The following TRDN variants were observed in gnomAD, a reference collection of about 807,000 sequenced individuals.
TRDN encodes triadin in skeletal muscle.
In TRDN, 161 loss-of-function variants were observed where a neutral mutation model predicts 149.7. The observed-to-expected ratio is 1.08, with a 90% CI of 0.95 to 1.23. TRDN has a LOEUF of 1.23. Among genes scored for constraint, TRDN ranks in the 50% most tolerant of loss-of-function variants. The probability of loss-of-function intolerance (pLI) is 0.00; values close to 1 mark genes in which losing one functional copy is unlikely to be tolerated. For missense variants in TRDN, 896 were observed against 823.5 expected (o/e 1.09, Z -1.08); for synonymous variants, 294 against 250.5 (o/e 1.17, Z -1.64).
At chr6:123,529,535 C>A (rs1382842249) in intron 5 of TRDN, 1 of 609,784 alleles carries the variant, frequency 1.6e-6, no homozygotes, top group East Asian at 3.1e-5. Context: ...ACAACAGCAA[C>A]AACATGGCAT....
At chr6:123,309,658 G>T (rs528860237) in intron 24 of TRDN, among the ~76,000 whole-genome samples, 1 of 151,818 alleles carries the variant, frequency 6.6e-6, no homozygotes, top group South Asian at 2.1e-4. Context: ...GAACTGGTCA[G>T]GTTCACCTAT....
At position 123,301,748 on chromosome 6, in the gene TRDN, T is replaced by C. The variant is rs9482376; in HGVS notation, c.1510+14709A>G. ...ATATATGTATGTATGTATGTATATA[T>C]ATACATATATATATATATATACATA... is the stretch of plus-strand genomic sequence containing the variant. On this transcript the variant is annotated intron_variant, in intron 24 of 40. Coordinates refer to ENST00000334268, the MANE Select transcript of TRDN (RefSeq NM_006073.4). Among the ~76,000 whole-genome samples, 22 of 97,022 alleles carry C rather than the reference T, an allele frequency of 2.3e-4. 1 individual carries two copies. In the East Asian group the frequency reaches 8.5e-3, roughly 38 times the overall value. 63.7% of individuals were successfully genotyped at this position (97,022 alleles called of 152,430 possible).
At chr6:123,539,128 G>C (rs1780695966) in intron 4 of TRDN, among the ~76,000 whole-genome samples, 1 of 150,722 alleles carries the variant, frequency 6.6e-6, no homozygotes, top group African/African-American at 2.4e-5. Context: ...TGTCTCTCAT[G>C]ACAAGGAAAT....
At chr6:123,225,444 A>C (rs1010150902) in intron 38 of TRDN, among the ~76,000 whole-genome samples, 1 of 151,692 alleles carries the variant, frequency 6.6e-6, no homozygotes, top group Non-Finnish European at 1.5e-5. Context: ...ATATATCCAA[A>C]TATTTATCAA....
intron 24 of TRDN, among the ~76,000 whole-genome samples, chr6:123,305,826 G>T (rs1778587321): frequency 6.6e-6 from 1 of 152,060 alleles, no homozygotes; most frequent in Admixed American, 6.6e-5. Flanking sequence ...GAGCAGCTCT[G>T]ACAATATCCC....
At chr6:123,507,652 T>G (rs1778990836) in intron 7 of TRDN, among the ~76,000 whole-genome samples, 1 of 152,150 alleles carries the variant, frequency 6.6e-6, no homozygotes, top group African/African-American at 2.4e-5. Flanking sequence ...GTGACGAAAT[T>G]TATTAAGGAA....
Position 123,516,201 on chromosome 6 carries a change from G to C in TRDN, c.490C>G (p.His164Asp). The C allele has an allele frequency of 6.8e-7, 1 of 1,478,736 alleles. No homozygotes were observed. Among genetic ancestry groups the C allele is most frequent in the Non-Finnish European group, 9.1e-7 (1 of 1,102,594 alleles). The allele number at this position is 1,478,736 out of a possible 1,614,324, so 91.6% of individuals were successfully genotyped here. The change falls in exon 6 of 41, where the codon CAC becomes GAC. Residue 164 changes from histidine (H) to aspartate (D), a missense_variant. Transcript: ENST00000334268. ...TCTTTTCCTTTTTCTTTTTCTTTGT[G>C]TGTAACTGAAAAGAAACAGATAAAT... ...PERKIQTKVT[H>D]KEKEKGKEKV...
intron 12 of TRDN, among the ~76,000 whole-genome samples, chr6:123,399,488 T>C (rs561205050): frequency 2.6e-4 from 40 of 152,320 alleles, no homozygotes; most frequent in African/African-American, 9.6e-4. Context: ...ATTTGCCATA[T>C]TAAGGGCAGA....
chr6:123,317,514 G>T (rs9490727), intron 23 of TRDN, among the ~76,000 whole-genome samples: 27,998 of 151,782 alleles, frequency 0.18, 3,648 homozygotes, highest in East Asian at 0.68. Context: ...CACTACTTCC[G>T]ATAATACTTG....
chr6:123,528,009 T>C (rs952903998), intron 5 of TRDN, among the ~76,000 whole-genome samples: 2 of 151,930 alleles, frequency 1.3e-5, no homozygotes, highest in Admixed American at 6.6e-5. Flanking sequence ...AAAAGGCATA[T>C]TCTTTAGCTC....
intron 1 of TRDN, among the ~76,000 whole-genome samples, chr6:123,589,472 G>A (rs1361116583): frequency 1.3e-5 from 2 of 152,096 alleles, no homozygotes; most frequent in Non-Finnish European, 2.9e-5. Context: ...GTAATGACAT[G>A]CCATTTCAAT....
At chr6:123,633,747 T>C (rs1786139403) in intron 1 of TRDN, among the ~76,000 whole-genome samples, 2 of 152,068 alleles carry the variant, frequency 1.3e-5, no homozygotes, top group South Asian at 4.1e-4. Flanking sequence ...TATTTAGCAT[T>C]ATTTCCTTTC....
intron 12 of TRDN, 156 bp from the exon 13 acceptor site, chr6:123,393,833 G>T: frequency 1.6e-6 from 1 of 634,600 alleles, no homozygotes; most frequent in Non-Finnish European, 2.7e-6. Context: ...TAGAGGAATT[G>T]CTGAGAATGG....
intron 1 of TRDN, among the ~76,000 whole-genome samples, chr6:123,624,225 G>T (rs946472294): frequency 1.3e-5 from 2 of 152,090 alleles, no homozygotes; most frequent in African/African-American, 4.8e-5. Flanking sequence ...ATAGGAAGAA[G>T]ATAAAATACT....
At chr6:123,302,983 G>T (rs887576930) in intron 24 of TRDN, among the ~76,000 whole-genome samples, 4 of 151,652 alleles carry the variant, frequency 2.6e-5, no homozygotes, top group African/African-American at 9.7e-5. Flanking sequence ...AGTTTTTTAG[G>T]CATTTTCATT....
At chr6:123,412,084 G>A (rs1356260536) in intron 12 of TRDN, among the ~76,000 whole-genome samples, 2 of 152,154 alleles carry the variant, frequency 1.3e-5, no homozygotes, top group East Asian at 3.9e-4. Context: ...CGTACACCAC[G>A]GAAATCAGCA....
chr6:123,439,263 C>T (rs939263618), intron 10 of TRDN, among the ~76,000 whole-genome samples: 2 of 152,078 alleles, frequency 1.3e-5, no homozygotes, highest in Admixed American at 1.3e-4. Flanking sequence ...ATACTGTTTA[C>T]AAATAATGAA....
intron 1 of TRDN, among the ~76,000 whole-genome samples, chr6:123,630,476 C>A (rs1053744866): frequency 1.1e-4 from 17 of 151,838 alleles, no homozygotes; most frequent in African/African-American, 3.9e-4. Flanking sequence ...GTATTGGAGG[C>A]CTTAAGTCTC....
intron 35 of TRDN, among the ~76,000 whole-genome samples, chr6:123,257,141 G>A (rs1776593789): frequency 6.6e-6 from 1 of 151,820 alleles, no homozygotes; most frequent in Non-Finnish European, 1.5e-5. Flanking sequence ...CACCATGCCA[G>A]GCTAATTTTT....
Sources: allele counts gnomAD v4.1 joint callset (sites outside exome capture counted in the v4.1 genomes callset), GRCh38; gene constraint gnomAD v4.1.1; transcripts MANE v1.5; gene names NCBI Gene and HGNC (gene_info 2026-07-23, HGNC 2026-07-21).